Variants in ARID5B observed in about 807,000 individuals in gnomAD.
The protein encoded by ARID5B is AT-rich interaction domain 5B.
ARID5B carries 13 observed loss-of-function variants against 97.2 expected under a neutral mutation model. That is an observed-to-expected ratio of 0.13 (90% CI 0.09 to 0.21). The LOEUF (loss-of-function observed/expected upper bound fraction) is 0.21, where lower values mean the gene tolerates loss of function less well. ARID5B is among the 10% of genes least tolerant of loss of function. The pLI is 1.00. For missense variants in ARID5B, 1,210 were observed against 1,465.3 expected (o/e 0.83, Z 2.84); for synonymous variants, 556 against 570.3 (o/e 0.97, Z 0.36).
chr10:61,932,853 C>T lies in ARID5B; in HGVS notation c.277-7330C>T, dbSNP rs148615844. Among the ~76,000 whole-genome samples, 541 of 152,172 alleles carry T rather than the reference C, an allele frequency of 3.6e-3. 4 individuals carry two copies. Among genetic ancestry groups the T allele is most frequent in the African/African-American group, 0.013 (519 of 41,506 alleles). On this transcript the variant is annotated intron_variant, in intron 2 of 9. Coordinates refer to ENST00000279873, the MANE Select transcript of ARID5B (RefSeq NM_032199.3). ...GCAATGTTCACAAATCCCAGCACTT[C>T]GGGAGGATGAGGAAAGAGGATTGCT... is the stretch of plus-strand genomic sequence containing the variant.
At chr10:62,033,883 G>T (rs1449030152) in intron 4 of ARID5B, among the ~76,000 whole-genome samples, 1 of 152,178 alleles carries the variant, frequency 6.6e-6, no homozygotes, top group Non-Finnish European at 1.5e-5. Context: ...AGGTCATATA[G>T]TTGCCTTATG....
At chr10:62,083,564 G>T (rs1029358191) in intron 8 of ARID5B, among the ~76,000 whole-genome samples, 1 of 152,074 alleles carries the variant, frequency 6.6e-6, no homozygotes, top group Non-Finnish European at 1.5e-5. Context: ...AGGGTCCCTC[G>T]TGGTGTCACC....
At chr10:61,968,776 G>A (rs1473396319) in intron 3 of ARID5B, among the ~76,000 whole-genome samples, 1 of 152,130 alleles carries the variant, frequency 6.6e-6, no homozygotes, top group South Asian at 2.1e-4. Context: ...GTCTGAATCA[G>A]CGTATTACTC....
chr10:61,944,948 T>C (rs1419847293), intron 3 of ARID5B, among the ~76,000 whole-genome samples: 13 of 152,150 alleles, frequency 8.5e-5, no homozygotes, highest in Admixed American at 8.5e-4. Flanking sequence ...ATGATGGGGG[T>C]TCCCTCAGTT....
Position 62,091,256 on chromosome 10 carries a change from T to C in ARID5B, c.1793T>C (p.Phe598Ser), listed in dbSNP as rs773977577. ...CCCCAAGAAGCATCCTTCCCCAGCT[T>C]CCCCACCACACAGCCACCGCTGGCA... ...SEPQEASFPS[F>S]PTTQPPLANQ... The change falls in exon 10 of 10, where the codon TTC (phenylalanine) becomes TCC (serine). Residue 598 changes from phenylalanine (F) to serine (S), a missense_variant. Physicochemically the swap from Phe to Ser is radical, Grantham distance 155 (BLOSUM62 -2). This residue lies in a region of ARID5B where 800 missense variants were observed against 839.1 expected (regional missense o/e 0.95). Coordinates refer to ENST00000279873, the MANE Select transcript of ARID5B (RefSeq NM_032199.3). The C allele has an allele frequency of 6.2e-7, 1 of 1,613,932 alleles. No homozygotes were observed. Among genetic ancestry groups the C allele is most frequent in the Non-Finnish European group, 8.5e-7 (1 of 1,179,972 alleles).
chr10:61,932,865 G>A (rs1844235479), intron 2 of ARID5B, among the ~76,000 whole-genome samples: 1 of 152,180 alleles, frequency 6.6e-6, no homozygotes, highest in Non-Finnish European at 1.5e-5. Flanking sequence ...GGAGGATGAG[G>A]AAAGAGGATT....
chr10:62,054,981 G>A (rs1839836430), intron 5 of ARID5B, among the ~76,000 whole-genome samples: 1 of 152,146 alleles, frequency 6.6e-6, no homozygotes, highest in Non-Finnish European at 1.5e-5. Flanking sequence ...GAAGCCCACA[G>A]CACTGTATCT....
chr10:62,008,303 A>T (rs183250101), intron 4 of ARID5B, among the ~76,000 whole-genome samples: 1 of 152,166 alleles, frequency 6.6e-6, no homozygotes, highest in Non-Finnish European at 1.5e-5. Context: ...GCAACATTTC[A>T]TGGCCAGCAA....
intron 7 of ARID5B, among the ~76,000 whole-genome samples, chr10:62,064,985 G>C (rs1162591722): frequency 6.6e-6 from 1 of 152,078 alleles, no homozygotes; most frequent in East Asian, 1.9e-4. Context: ...TGTTGGCCAG[G>C]CTGGTCTCGA....
intron 2 of ARID5B, among the ~76,000 whole-genome samples, chr10:61,908,799 CAAAAAAAAA>C (rs369792859): frequency 2.0e-5 from 1 of 50,994 alleles, no homozygotes; most frequent in Admixed American, 2.6e-4. Context: ...GACTCCATCT[CAAAAAAAAA>C]AAAAAAAAAA....
chr10:62,056,940 T>G (rs1408457807), intron 5 of ARID5B, among the ~76,000 whole-genome samples, 177 bp from the exon 6 acceptor site: 1 of 152,202 alleles, frequency 6.6e-6, no homozygotes, highest in Admixed American at 6.5e-5. Flanking sequence ...TGACATCCCC[T>G]GGCCTCAGAC....
At chr10:61,909,450 A>C (rs963156535) in intron 2 of ARID5B, among the ~76,000 whole-genome samples, 3 of 146,974 alleles carry the variant, frequency 2.0e-5, no homozygotes, top group Non-Finnish European at 4.5e-5. Context: ...CTCAGCCTCC[A>C]GAGTAGCTGG....
In ARID5B at chr10:62,091,954, T is replaced by C. The variant is rs1342574091; in HGVS notation, c.2491T>C (p.Phe831Leu). Residue 831 changes from phenylalanine (F) to leucine (L), a missense_variant, in exon 10 of 10, where the codon TTC (phenylalanine) becomes CTC (leucine). Around this residue, in one of 8 missense-constraint regions of ARID5B, gnomAD observed 800 missense variants for 839.1 expected, o/e 0.95. Transcript: ENST00000279873. ...CCACATGCCTAGCTTCCTGGCTGAC[T>C]TCTACTCGTCCCCTCATCTCCATAG... ...HSHMPSFLAD[F>L]YSSPHLHSLY... 9 of 1,613,474 alleles carry C rather than the reference T, an allele frequency of 5.6e-6. No homozygotes were observed. The highest frequency in any genetic ancestry group is 6.8e-6 in the Non-Finnish European group (8 of 1,179,784).
At chr10:61,974,777 C>T (rs541755727) in intron 3 of ARID5B, among the ~76,000 whole-genome samples, 1 of 152,202 alleles carries the variant, frequency 6.6e-6, no homozygotes, top group Non-Finnish European at 1.5e-5. Context: ...GCTTGCCAAG[C>T]GGTCTAAATC....
At chr10:61,958,384 G>A (rs986434118) in intron 3 of ARID5B, among the ~76,000 whole-genome samples, 3 of 151,996 alleles carry the variant, frequency 2.0e-5, no homozygotes, top group Non-Finnish European at 4.4e-5. Flanking sequence ...GCCCGCCACC[G>A]CGCCCGGCTA....
At chr10:61,917,935 C>T (rs532602291) in intron 2 of ARID5B, among the ~76,000 whole-genome samples, 1 of 152,086 alleles carries the variant, frequency 6.6e-6, no homozygotes, top group South Asian at 2.1e-4. Context: ...CTGTAGCCAT[C>T]CTGGAAGGTG....
chr10:62,051,066 C>T lies in ARID5B; in HGVS notation c.846+66C>T, dbSNP rs765605825. 7 of 1,308,224 alleles carry T rather than the reference C, an allele frequency of 5.4e-6. No homozygotes were observed. In the South Asian group the frequency reaches 8.5e-5, roughly 16 times the overall value. The allele number at this position is 1,308,224 out of a possible 1,614,324, so 81.0% of individuals were successfully genotyped here. ...TTTTATTTTTGCTTTTTCTCTTTAT[C>T]TCTCTGTGCCTGTGTCTTGGAGGCA... On this transcript the variant is annotated intron_variant, in intron 5 of 9. Transcript: ENST00000279873.
chr10:62,033,389 A>G (rs187478354), intron 4 of ARID5B, among the ~76,000 whole-genome samples: 1 of 152,334 alleles, frequency 6.6e-6, no homozygotes. Context: ...GTTGCCTGAA[A>G]CACAGAATCA....
In ARID5B at chr10:62,092,949, T is replaced by C; in HGVS notation, c.3486T>C (p.Ile1162=). Residue 1162 remains isoleucine (I), a synonymous_variant, in exon 10 of 10, where the codon ATT becomes ATC. Coordinates refer to ENST00000279873, the MANE Select transcript of ARID5B (RefSeq NM_032199.3). ...SSYGDLLHNS[I]YPLAAINPQA... ...ATGGGGACCTTTTGCATAACAGCAT[T>C]TACCCTTTAGCTGCTATAAATCCTC... The C allele has an allele frequency of 6.2e-7, 1 of 1,614,142 alleles. No individual in the cohort carries two copies. The highest frequency in any genetic ancestry group is 8.5e-7 in the Non-Finnish European group (1 of 1,180,002).
Sources: allele counts gnomAD v4.1 joint callset (sites outside exome capture counted in the v4.1 genomes callset), GRCh38; gene constraint gnomAD v4.1.1; regional missense constraint gnomAD v4.1.1; transcripts MANE v1.5; gene names NCBI Gene and HGNC (gene_info 2026-07-23, HGNC 2026-07-21).